Variants in OR1S2 observed in about 807,000 individuals in gnomAD.
The protein encoded by OR1S2 is olfactory receptor 1S2.
OR1S2 carries 1 observed loss-of-function variant against 1.7 expected under a neutral mutation model. That is an observed-to-expected ratio of 0.59 (90% CI 0.21 to 2.81). The LOEUF is 2.81. Among genes scored for constraint, OR1S2 ranks in the 30% most tolerant of loss-of-function variants. The pLI, the probability that OR1S2 is intolerant of heterozygous loss-of-function variation, is 0.22. For synonymous variants in OR1S2, 157 were observed against 145.3 expected (o/e 1.08, Z -0.58); for missense variants, 391 against 371.6 (o/e 1.05, Z -0.43).
chr11:58,203,231 G>A, exon 1 of OR1S2: 1 of 1,610,272 alleles, frequency 6.2e-7, no homozygotes, highest in Non-Finnish European at 8.5e-7. Flanking sequence ...TTCTATTGAT[G>A]AGCTTTCTCA....
At chr11:58,204,086 G>A in exon 1 of OR1S2, 1 of 1,613,908 alleles carries the variant, frequency 6.2e-7, no homozygotes, top group East Asian at 2.2e-5. Context: ...GTTCAGCCTG[G>A]TTGGAGAGTC....
exon 1 of OR1S2, chr11:58,204,126 T>A (rs755557994): frequency 2.5e-6 from 4 of 1,613,998 alleles, no homozygotes; most frequent in South Asian, 1.1e-5. Flanking sequence ...GATGGTGGTT[T>A]GGTTTTCTTG....
At chr11:58,203,378 A>G (rs754566597) in exon 1 of OR1S2, 7 of 1,613,938 alleles carry the variant, frequency 4.3e-6, no homozygotes, top group Non-Finnish European at 5.9e-6. Context: ...ACACGCCTAC[A>G]GTGGTTCCGT....
At chr11:58,203,645 C>A (rs1208484804) in exon 1 of OR1S2, 8 of 1,614,080 alleles carry the variant, frequency 5.0e-6, no homozygotes, top group Non-Finnish European at 5.9e-6. Context: ...CACAGAAGAG[C>A]AATTGAATGA....
chr11:58,203,437 T>C, exon 1 of OR1S2: 1 of 1,614,006 alleles, frequency 6.2e-7, no homozygotes, highest in Non-Finnish European at 8.5e-7. Context: ...GAGAAGGCTT[T>C]CCACTTTCCC....
At position 58,203,837 on chromosome 11, in the gene OR1S2, G is replaced by A. The variant is rs773378197; in HGVS notation, c.306C>T (p.Tyr102=). 4.3e-6 allele frequency: 7 copies of A among 1,614,136 alleles called. No homozygotes were observed. In the South Asian group the frequency reaches 6.6e-5, roughly 15 times the overall value. ...CAGTGACGACAAACACAATAGAAAA[G>A]TACATCTGTGTGATGCAGCTCTCAT... The change falls in exon 1 of 1, where the codon TAC becomes TAT. Residue 102 remains tyrosine, a synonymous_variant. Transcript: ENST00000641683.
At position 58,203,456 on chromosome 11, in the gene OR1S2, T is replaced by A. The variant is rs201120214; in HGVS notation, c.687A>T (p.Ser229=). The A allele has an allele frequency of 3.6e-5, 58 of 1,613,738 alleles. No individual in the cohort carries two copies. The African/African-American group carries it at 5.3e-4, about 15-fold the overall frequency. The change falls in exon 1 of 1, where the codon TCA becomes TCT. Residue 229 remains serine, a synonymous_variant. Coordinates refer to ENST00000641683, the Ensembl canonical transcript of OR1S2. The stretch of plus-strand genomic sequence containing the variant: ...AGGCTTTCCACTTTCCCTGTGTGGA[T>A]GATACTCCCAGGACAGCTCTGATGA...
exon 1 of OR1S2, chr11:58,203,740 A>C (rs750617146): frequency 2.5e-6 from 4 of 1,613,676 alleles, no homozygotes; most frequent in Non-Finnish European, 2.5e-6. Flanking sequence ...GCCCGCATGA[A>C]AGTTGTATAG....
chr11:58,203,561 G>C, exon 1 of OR1S2: 1 of 1,614,148 alleles, frequency 6.2e-7, no homozygotes, highest in Non-Finnish European at 8.5e-7. Context: ...CAAGCTCATT[G>C]ATCATTGTAT....
At chr11:58,204,023 A>T in exon 1 of OR1S2, 3 of 1,614,062 alleles carry the variant, frequency 1.9e-6, no homozygotes, top group Non-Finnish European at 2.5e-6. Flanking sequence ...GCCCGTTCCC[A>T]ACCACAGTGA....
chr11:58,203,284 G>A lies in OR1S2; in HGVS notation c.859C>T (p.Pro287Ser), dbSNP rs560927883. 6.8e-6 allele frequency: 11 copies of A among 1,614,018 alleles called. No homozygotes were observed. The Admixed American group carries it at 8.3e-5, about 12-fold the overall frequency. Reference sequence around the variant, plus strand: ...TTATTCCTCAAGCTGTAGATGAAGGGGTTCATCATGGGTGTCACCACAGTG... The same window carrying A: ...TTATTCCTCAAGCTGTAGATGAAGGAGTTCATCATGGGTGTCACCACAGTG... The change falls in exon 1 of 1, where the codon CCC becomes TCC. Residue 287 changes from proline to serine, a missense_variant. Pro to Ser is a moderately conservative substitution (Grantham distance 74, BLOSUM62 -1). Coordinates refer to ENST00000641683, the Ensembl canonical transcript of OR1S2.
exon 1 of OR1S2, chr11:58,203,982 T>C (rs1447125040): frequency 6.2e-7 from 1 of 1,613,948 alleles, no homozygotes. Context: ...GGTGTGAAGG[T>C]ATATATCCAA....
exon 1 of OR1S2, chr11:58,204,137 A>G: frequency 6.2e-7 from 1 of 1,613,862 alleles, no homozygotes; most frequent in Non-Finnish European, 8.5e-7. Context: ...GGTTTTCTTG[A>G]TGCATATTTC....
Position 58,203,754 on chromosome 11 carries a change from A to T in OR1S2, c.389T>A (p.Leu130Gln), listed in dbSNP as rs1329060202. The T allele has an allele frequency of 1.9e-6, 3 of 1,614,134 alleles. No individual in the cohort carries two copies. The East Asian group carries it at 6.7e-5, about 36-fold the overall frequency. The stretch of plus-strand genomic sequence containing the variant: ...GGCCCGCATGAAAGTTGTATAGTTC[A>T]GAGGGTGGCAGATCGCCACAAAGTG... The change falls in exon 1 of 1, where the codon CTG becomes CAG. Residue 130 changes from leucine to glutamine, a missense_variant. Leu to Gln is a moderately radical substitution (Grantham distance 113, BLOSUM62 -2). Coordinates refer to ENST00000641683, the Ensembl canonical transcript of OR1S2.
exon 1 of OR1S2, chr11:58,203,556 T>C (rs1348607361): frequency 6.2e-7 from 1 of 1,614,084 alleles, no homozygotes; most frequent in Non-Finnish European, 8.5e-7. Flanking sequence ...CAACACAAGC[T>C]CATTGATCAT....
exon 1 of OR1S2, chr11:58,203,787 G>T (rs1345463692): frequency 1.9e-6 from 3 of 1,613,954 alleles, no homozygotes; most frequent in Non-Finnish European, 1.7e-6. Flanking sequence ...GTGGTCGAAG[G>T]CCATGGTCCC....
chr11:58,203,232 A>T, exon 1 of OR1S2: 6 of 1,610,552 alleles, frequency 3.7e-6, no homozygotes, highest in Non-Finnish European at 5.1e-6. Context: ...TCTATTGATG[A>T]GCTTTCTCAG....
exon 1 of OR1S2, chr11:58,203,566 T>C: frequency 6.2e-7 from 1 of 1,614,074 alleles, no homozygotes; most frequent in Non-Finnish European, 8.5e-7. Flanking sequence ...TCATTGATCA[T>C]TGTATCTGAA....
exon 1 of OR1S2, chr11:58,203,795 C>T: frequency 1.9e-6 from 3 of 1,614,096 alleles, no homozygotes. Context: ...AGGCCATGGT[C>T]CCCAAAAGCA....
Sources: allele counts gnomAD v4.1 joint callset, GRCh38; gene constraint gnomAD v4.1.1; transcripts MANE v1.5; gene names NCBI Gene and HGNC (gene_info 2026-07-23, HGNC 2026-07-21).